The following TLN2 variants were observed in gnomAD, a reference collection of about 807,000 sequenced individuals.
The protein encoded by TLN2 is talin 2, also known as talin-2.
TLN2 carries 118 observed loss-of-function variants against 294.7 expected under a neutral mutation model. The ratio of observed to expected loss-of-function variants is 0.40; its 90% CI spans 0.34 to 0.47. The LOEUF is 0.47. Among genes scored for constraint, TLN2 ranks in the 20% least tolerant of loss-of-function variants. TLN2 has a pLI of 0.84. For synonymous variants in TLN2, 1,431 were observed against 1,304.5 expected, an observed-to-expected ratio of 1.10 and a Z score of -2.09; for missense variants, 3,083 against 3,282.2, an observed-to-expected ratio of 0.94 and a Z score of 1.48.
chr15:62,779,791 T>G (rs372507100), intron 43 of TLN2, among the ~76,000 whole-genome samples: 29 of 152,238 alleles, frequency 1.9e-4, no homozygotes, highest in African/African-American at 7.0e-4. Flanking sequence ...ATCTGCCTAA[T>G]AGGGAAAGCT....
chr15:62,774,019 C>T (rs888974619), intron 42 of TLN2, among the ~76,000 whole-genome samples: 4 of 152,148 alleles, frequency 2.6e-5, no homozygotes, highest in Admixed American at 2.6e-4. Flanking sequence ...CTCATCCCCA[C>T]CCCGCCCAAT....
At chr15:62,825,174 G>A (rs1012757425) in intron 54 of TLN2, among the ~76,000 whole-genome samples, 26 of 152,148 alleles carry the variant, frequency 1.7e-4, no homozygotes, top group African/African-American at 6.0e-4. Flanking sequence ...TCTGTCAGGC[G>A]GGTTTCAAGA....
chr15:62,587,999 GC>G, intron 1 of TLN2, among the ~76,000 whole-genome samples: 1 of 152,012 alleles, frequency 6.6e-6, no homozygotes, highest in East Asian at 1.9e-4. Context: ...TCCTGCCTCA[GC>G]CCCCACAGTA....
intron 1 of TLN2, among the ~76,000 whole-genome samples, chr15:62,462,626 G>T (rs1332966121): frequency 1.3e-5 from 2 of 152,204 alleles, no homozygotes; most frequent in Non-Finnish European, 2.9e-5. Flanking sequence ...GTTTTTAGGA[G>T]ACAAGTGAGG....
At chr15:62,586,486 C>T (rs902171990) in intron 1 of TLN2, among the ~76,000 whole-genome samples, 5 of 152,062 alleles carry the variant, frequency 3.3e-5, no homozygotes, top group Non-Finnish European at 5.9e-5. Flanking sequence ...ATAATTATGC[C>T]GTTATGAAGA....
chr15:62,657,124 T>G (rs2053296977), intron 8 of TLN2, among the ~76,000 whole-genome samples: 2 of 123,992 alleles, frequency 1.6e-5, no homozygotes, highest in African/African-American at 2.9e-5. Flanking sequence ...GATCTGGGGG[T>G]CATTTAGAGA....
intron 1 of TLN2, among the ~76,000 whole-genome samples, chr15:62,547,661 C>T (rs958019880): frequency 4.6e-5 from 7 of 152,120 alleles, no homozygotes; most frequent in African/African-American, 1.7e-4. Flanking sequence ...TCTGGTGTTG[C>T]CCCCAGGATG....
chr15:62,717,987 G>A (rs1248710434), intron 24 of TLN2, among the ~76,000 whole-genome samples: 2 of 152,196 alleles, frequency 1.3e-5, no homozygotes, highest in African/African-American at 2.4e-5. Context: ...AAATGGGAAG[G>A]AAGTGTTGAG....
At chr15:62,760,013 G>A (rs1385426401) in intron 37 of TLN2, among the ~76,000 whole-genome samples, 1 of 152,234 alleles carries the variant, frequency 6.6e-6, no homozygotes, top group African/African-American at 2.4e-5. Context: ...CTTCTACGTG[G>A]CCAGTGCCGG....
rs377717716 is a variant in TLN2, at chr15:62,652,189, C to G, written c.364+55C>G. The G allele has an allele frequency of 1.5e-5, 22 of 1,447,348 alleles. 2 individuals are homozygous for G. Among genetic ancestry groups the G allele is most frequent in the East Asian group, 9.4e-5 (4 of 42,744 alleles). The allele number at this position is 1,447,348 out of a possible 1,614,324, so 89.7% of individuals were successfully genotyped here. A position where few individuals can be genotyped will look rare whatever the true frequency, so the allele number is the denominator to read the frequency against. ...TTTTGCTTAGTTTTTAATTACAGGC[C>G]TCTTCTTTTTTCCACCTGCATTTGA... is the stretch of plus-strand genomic sequence containing the variant. On this transcript the variant is annotated intron_variant, in intron 6 of 58. Coordinates refer to ENST00000636159, the MANE Select transcript of TLN2 (RefSeq NM_015059.3).
intron 27 of TLN2, 85 bp downstream of exon 27, chr15:62,725,189 G>C: frequency 6.7e-7 from 1 of 1,495,504 alleles, no homozygotes; most frequent in Non-Finnish European, 8.9e-7. Flanking sequence ...GTTTGCTAAA[G>C]TTGCGGCATG....
intron 34 of TLN2, among the ~76,000 whole-genome samples, 181 bp downstream of exon 34, chr15:62,750,672 C>A (rs1287591445): frequency 1.3e-5 from 2 of 152,162 alleles, no homozygotes; most frequent in African/African-American, 4.8e-5. Context: ...GCATCAGAAT[C>A]ACCTGGAGGG....
chr15:62,655,874 T>G, intron 7 of TLN2, 70 bp from the exon 8 acceptor site: 1 of 1,572,708 alleles, frequency 6.4e-7, no homozygotes, highest in Non-Finnish European at 8.7e-7. Context: ...CACACTGCTC[T>G]TTTGGTAAAT....
intron 1 of TLN2, among the ~76,000 whole-genome samples, chr15:62,490,286 C>T (rs1236827683): frequency 6.6e-6 from 1 of 152,096 alleles, no homozygotes; most frequent in African/African-American, 2.4e-5. Context: ...TTTATGGATT[C>T]ATTTGTTTAT....
At chr15:62,840,348 G>A in intron 58 of TLN2, 134 bp from the exon 59 acceptor site, 1 of 1,327,950 alleles carries the variant, frequency 7.5e-7, no homozygotes, top group Admixed American at 2.3e-5. Flanking sequence ...GGTCGCCAGA[G>A]CTAAGAAAGC....
chr15:62,681,710 A>C (rs569041820), intron 11 of TLN2, among the ~76,000 whole-genome samples: 8 of 152,186 alleles, frequency 5.3e-5, no homozygotes, highest in Non-Finnish European at 8.8e-5. Context: ...TTCCTTAAAG[A>C]GCTCTAATGA....
At chr15:62,742,860 G>A (rs1330644567) in intron 32 of TLN2, among the ~76,000 whole-genome samples, 1 of 152,178 alleles carries the variant, frequency 6.6e-6, no homozygotes, top group East Asian at 1.9e-4. Flanking sequence ...CTCCAGCCAG[G>A]TCAAGAGGGT....
intron 1 of TLN2, among the ~76,000 whole-genome samples, chr15:62,490,350 T>C (rs1595921642): frequency 6.6e-6 from 1 of 152,228 alleles, no homozygotes; most frequent in East Asian, 1.9e-4. Flanking sequence ...AACTTACTTA[T>C]GGGGGTTATC....
chr15:62,525,791 C>G (rs1274396138), intron 1 of TLN2, among the ~76,000 whole-genome samples: 1 of 152,148 alleles, frequency 6.6e-6, no homozygotes, highest in African/African-American at 2.4e-5. Flanking sequence ...TCACCTGTTC[C>G]CCCCAGCCCA....
Sources: gnomAD v4.1 joint callset for allele counts (sites outside exome capture counted in the v4.1 genomes callset) on GRCh38, gnomAD v4.1.1 for gene constraint, MANE v1.5 for transcripts, NCBI Gene and HGNC (gene_info 2026-07-23, HGNC 2026-07-21) for gene names.